The following RNF157 variants were observed in gnomAD, a reference collection of about 807,000 sequenced individuals.
RNF157 encodes the protein ring finger protein 157.
RNF157 carries 55 observed loss-of-function variants against 88.3 expected under a neutral mutation model. The observed-to-expected ratio is 0.62, with a 90% CI of 0.50 to 0.78. RNF157 has a LOEUF of 0.78. RNF157 is among the 30% of genes least tolerant of loss of function. RNF157 has a pLI of 0.00. For synonymous variants in RNF157, 334 were observed against 341.2 expected (o/e 0.98, Z 0.23); for missense variants, 788 against 860.8 (o/e 0.92, Z 1.06).
chr17:76,167,823 G>A (rs1234846776), intron 3 of RNF157, 26 bp from the exon 4 acceptor site: 2 of 1,602,886 alleles, frequency 1.2e-6, no homozygotes, highest in Non-Finnish European at 1.7e-6. Flanking sequence ...CTCAGCATTT[G>A]CAGAGTAGCA....
chr17:76,194,668 T>C (rs1002153259), intron 2 of RNF157, among the ~76,000 whole-genome samples: 4 of 152,164 alleles, frequency 2.6e-5, no homozygotes, highest in African/African-American at 9.7e-5. Context: ...TTCTTCTGAA[T>C]TGCTACTAAA....
intron 1 of RNF157, among the ~76,000 whole-genome samples, chr17:76,234,935 T>C (rs1402436318): frequency 6.6e-6 from 1 of 152,222 alleles, no homozygotes; most frequent in African/African-American, 2.4e-5. Context: ...CCCATTCAAT[T>C]GTCTCGGTAC....
At chr17:76,223,888 T>C (rs930113224) in intron 1 of RNF157, among the ~76,000 whole-genome samples, 1 of 152,226 alleles carries the variant, frequency 6.6e-6, no homozygotes, top group African/African-American at 2.4e-5. Flanking sequence ...ACACAATTCA[T>C]ATACAACTTT....
At chr17:76,235,540 T>G (rs1348661499) in intron 1 of RNF157, among the ~76,000 whole-genome samples, 1 of 152,242 alleles carries the variant, frequency 6.6e-6, no homozygotes. Context: ...AATCTAATAT[T>G]AAATTGATAC....
At chr17:76,165,356 C>T in intron 7 of RNF157, 146 bp downstream of exon 7, 1 of 724,940 alleles carries the variant, frequency 1.4e-6, no homozygotes, top group Non-Finnish European at 2.4e-6. Flanking sequence ...GGTGCCATCT[C>T]AGCTCACTGC....
intron 1 of RNF157, among the ~76,000 whole-genome samples, chr17:76,213,307 T>A (rs1449507493): frequency 6.6e-6 from 1 of 151,984 alleles, no homozygotes; most frequent in African/African-American, 2.4e-5. Flanking sequence ...TGGTGGCTCA[T>A]GCCTGTAATC....
chr17:76,153,826 T>C (rs1200642956), intron 17 of RNF157: 2 of 159,794 alleles, frequency 1.3e-5, no homozygotes, highest in African/African-American at 4.8e-5. Context: ...TTTACAGTAA[T>C]GTTGACCATA....
At chr17:76,198,348 G>A (rs1374764775) in intron 2 of RNF157, among the ~76,000 whole-genome samples, 2 of 152,174 alleles carry the variant, frequency 1.3e-5, no homozygotes, top group Admixed American at 6.5e-5. Flanking sequence ...TGCTGGGGGA[G>A]GGGGGTTCTT....
At chr17:76,223,862 A>G (rs2070031380) in intron 1 of RNF157, among the ~76,000 whole-genome samples, 1 of 152,252 alleles carries the variant, frequency 6.6e-6, no homozygotes, top group Non-Finnish European at 1.5e-5. Flanking sequence ...TAGAACATGC[A>G]GTGTTTTCAA....
chr17:76,217,992 C>A (rs1484487430), intron 1 of RNF157, among the ~76,000 whole-genome samples: 1 of 152,102 alleles, frequency 6.6e-6, no homozygotes, highest in Non-Finnish European at 1.5e-5. Flanking sequence ...AAGTTCTAGA[C>A]ATCTGTTGCA....
chr17:76,225,168 T>C (rs2070058934), intron 1 of RNF157, among the ~76,000 whole-genome samples: 1 of 151,496 alleles, frequency 6.6e-6, no homozygotes, highest in Non-Finnish European at 1.5e-5. Context: ...TGAGCCTCCA[T>C]CTCAAAAATA....
At position 76,145,160 on chromosome 17, in the gene RNF157, G is replaced by T; in HGVS notation, c.*75C>A. On this transcript the variant is annotated 3_prime_UTR_variant, in exon 19 of 19. Transcript: ENST00000269391. ...AAGTCTCCAGCATCTTGCTGAGGATGCCCAGTAGGCAGCAGCTGAGTGAGG... is the reference window on the plus strand; with the variant it reads ...AAGTCTCCAGCATCTTGCTGAGGATTCCCAGTAGGCAGCAGCTGAGTGAGG... The T allele has an allele frequency of 1.1e-6, 1 of 948,456 alleles. No individual in the cohort carries two copies. The highest frequency in any genetic ancestry group is 1.6e-6 in the Non-Finnish European group (1 of 606,858). The allele number at this position is 948,456 out of a possible 1,614,324, so 58.8% of individuals were successfully genotyped here. A position where few individuals can be genotyped will look rare whatever the true frequency, so the allele number is the denominator to read the frequency against.
At chr17:76,179,683 C>T (rs1398525077) in intron 2 of RNF157, among the ~76,000 whole-genome samples, 1 of 152,178 alleles carries the variant, frequency 6.6e-6, no homozygotes, top group African/African-American at 2.4e-5. Flanking sequence ...ACAAGCGAGA[C>T]TCTGTCTCAA....
At chr17:76,193,971 G>A (rs2069430522) in intron 2 of RNF157, among the ~76,000 whole-genome samples, 1 of 152,064 alleles carries the variant, frequency 6.6e-6, no homozygotes, top group African/African-American at 2.4e-5. Flanking sequence ...TCCACAAACG[G>A]GACTCCCTGG....
At chr17:76,159,684 G>A (rs1428469075) in intron 11 of RNF157, 111 bp from the exon 12 acceptor site, 5 of 773,996 alleles carry the variant, frequency 6.5e-6, no homozygotes, top group Admixed American at 2.6e-5. Context: ...TTCTTGGGGG[G>A]GTCTGGTAAG....
intron 2 of RNF157, among the ~76,000 whole-genome samples, chr17:76,191,877 T>C (rs112572615): frequency 7.4e-4 from 112 of 152,324 alleles, no homozygotes; most frequent in Middle Eastern, 3.4e-3. Flanking sequence ...TCTTAGAGAA[T>C]GAAGTGTGCT....
intron 6 of RNF157, 121 bp downstream of exon 6, chr17:76,166,340 C>T: frequency 1.2e-6 from 1 of 807,952 alleles, no homozygotes. Context: ...GCAGAGACTG[C>T]CTGACTCACA....
At chr17:76,231,332 T>A (rs1189184655) in intron 1 of RNF157, among the ~76,000 whole-genome samples, 2 of 152,326 alleles carry the variant, frequency 1.3e-5, no homozygotes, top group Admixed American at 6.5e-5. Context: ...TTTGTCTCTA[T>A]AATATTGAGT....
At chr17:76,193,866 G>C (rs2069427875) in intron 2 of RNF157, among the ~76,000 whole-genome samples, 1 of 152,176 alleles carries the variant, frequency 6.6e-6, no homozygotes, top group Non-Finnish European at 1.5e-5. Context: ...GCCGAGGGCT[G>C]CTGATGCAGG....
Sources: gnomAD v4.1 joint callset for allele counts (sites outside exome capture counted in the v4.1 genomes callset) on GRCh38, gnomAD v4.1.1 for gene constraint, MANE v1.5 for transcripts, NCBI Gene and HGNC (gene_info 2026-07-23, HGNC 2026-07-21) for gene names.